GRIK1: variants seen among roughly 807,000 people sequenced by gnomAD.
GRIK1 encodes the protein glutamate receptor ionotropic, kainate 1.
GRIK1 carries 69 observed loss-of-function variants against 105.7 expected under a neutral mutation model. The observed-to-expected ratio is 0.65, with a 90% CI of 0.54 to 0.80. GRIK1 has a LOEUF of 0.80. Among genes scored for constraint, GRIK1 ranks in the 30% least tolerant of loss-of-function variants. The probability of loss-of-function intolerance (pLI) is 0.00; values close to 1 mark genes in which losing one functional copy is unlikely to be tolerated. For missense variants in GRIK1, 1,109 were observed against 1,167.3 expected, an observed-to-expected ratio of 0.95 and a Z score of 0.73; for synonymous variants, 438 against 431.3, an observed-to-expected ratio of 1.02 and a Z score of -0.19.
chr21:29,655,088 GA>G (rs2062823446), intron 4 of GRIK1, among the ~76,000 whole-genome samples: 1 of 152,148 alleles, frequency 6.6e-6, no homozygotes, highest in Admixed American at 6.5e-5. Context: ...GACCTACATC[GA>G]AGTAATGGGT....
At chr21:29,597,619 A>G (rs755579226) in intron 8 of GRIK1, 5 of 463,144 alleles carry the variant, frequency 1.1e-5, no homozygotes, top group South Asian at 8.0e-5. Flanking sequence ...CCTGTGCTCT[A>G]TCAGGGCATG....
At chr21:29,759,727 G>A (rs2065459156) in intron 1 of GRIK1, among the ~76,000 whole-genome samples, 2 of 152,188 alleles carry the variant, frequency 1.3e-5, no homozygotes, top group African/African-American at 4.8e-5. Context: ...ATTTTAGGTA[G>A]AATGCATTTC....
intron 3 of GRIK1, among the ~76,000 whole-genome samples, chr21:29,681,186 T>C (rs2146678048): frequency 6.6e-6 from 1 of 152,274 alleles, no homozygotes; most frequent in African/African-American, 2.4e-5. Flanking sequence ...TTCAGTACTA[T>C]CCGTGGTTTC....
intron 1 of GRIK1, among the ~76,000 whole-genome samples, chr21:29,756,916 C>T (rs2065359077): frequency 6.6e-6 from 1 of 152,060 alleles, no homozygotes; most frequent in Non-Finnish European, 1.5e-5. Context: ...GAATTGCAGA[C>T]CAGCCTGGCC....
At chr21:29,668,378 G>A (rs2063099848) in intron 4 of GRIK1, among the ~76,000 whole-genome samples, 1 of 152,158 alleles carries the variant, frequency 6.6e-6, no homozygotes, top group African/African-American at 2.4e-5. Flanking sequence ...TGAAGACTTA[G>A]GTGGGAATGA....
At chr21:29,911,054 A>C (rs1365048395) in intron 1 of GRIK1, among the ~76,000 whole-genome samples, 4 of 152,140 alleles carry the variant, frequency 2.6e-5, no homozygotes, top group Non-Finnish European at 5.9e-5. Flanking sequence ...AATACAGATA[A>C]GCCTTTCTGT....
chr21:29,756,252 G>C (rs1430157579), intron 1 of GRIK1, among the ~76,000 whole-genome samples: 1 of 151,946 alleles, frequency 6.6e-6, no homozygotes, highest in African/African-American at 2.4e-5. Context: ...GTAGTGGCGG[G>C]CGCCTGCAGC....
At chr21:29,546,414 A>G (rs1401096721) in intron 16 of GRIK1, among the ~76,000 whole-genome samples, 1 of 152,080 alleles carries the variant, frequency 6.6e-6, no homozygotes, top group African/African-American at 2.4e-5. Flanking sequence ...CTGGCCCTTC[A>G]CCCTGTGAAG....
At chr21:29,705,413 G>T (rs2063885883) in intron 1 of GRIK1, among the ~76,000 whole-genome samples, 1 of 152,162 alleles carries the variant, frequency 6.6e-6, no homozygotes, top group Non-Finnish European at 1.5e-5. Context: ...AAAACAATTT[G>T]AGTGTTTAAC....
intron 11 of GRIK1, among the ~76,000 whole-genome samples, chr21:29,588,210 G>A (rs976121427): frequency 6.6e-5 from 10 of 151,852 alleles, no homozygotes; most frequent in African/African-American, 2.4e-4. Flanking sequence ...TCCTGACCTT[G>A]TGATCCGCCT....
chr21:29,677,195 A>G (rs1188261653), intron 3 of GRIK1, among the ~76,000 whole-genome samples: 1 of 152,244 alleles, frequency 6.6e-6, no homozygotes, highest in East Asian at 1.9e-4. Flanking sequence ...ATGATAATAA[A>G]TGATGAATCT....
chr21:29,595,977 A>G, intron 9 of GRIK1: 1 of 188,890 alleles, frequency 5.3e-6, no homozygotes, highest in Non-Finnish European at 1.1e-5. Flanking sequence ...GTGGCTCTAA[A>G]ACAAATTGCA....
intron 4 of GRIK1, 67 bp from the exon 5 acceptor site, chr21:29,654,930 G>A: frequency 2.1e-6 from 2 of 942,474 alleles, no homozygotes; most frequent in East Asian, 2.4e-5. Context: ...TAATTTCTAG[G>A]GTGACTGCAA....
chr21:29,843,335 A>G (rs536709741), intron 1 of GRIK1, among the ~76,000 whole-genome samples: 31 of 152,238 alleles, frequency 2.0e-4, no homozygotes, highest in Admixed American at 8.5e-4. Context: ...AGGACTTACA[A>G]TGTTTGTTTG....
chr21:29,604,025 G>A (rs1174135572), intron 7 of GRIK1, among the ~76,000 whole-genome samples: 1 of 152,170 alleles, frequency 6.6e-6, no homozygotes, highest in East Asian at 1.9e-4. Context: ...AAAATGTACA[G>A]AATTGGTAGC....
Position 29,560,515 on chromosome 21 carries a change from C to CTTTCTTTCTTTCTTTCTTT in GRIK1, c.2356+1108_2356+1109insAAAGAAAGAAAGAAAGAAA, listed in dbSNP as rs1568815407. On this transcript the variant is annotated intron_variant, in intron 15 of 17. Coordinates refer to ENST00000327783, the MANE Select transcript of GRIK1 (RefSeq NM_001330994.2). ...TCTTTCTTTCCTTCCTTCCTTCCTTCCTTCCTTTCTTTCTTTCTTTCTTTC... is the reference window on the plus strand; with the variant it reads ...TCTTTCTTTCCTTCCTTCCTTCCTTCTTTCTTTCTTTCTTTCTTTCTTCCTTTCTTTCTTTCTTTCTTTC... 8.4e-4 allele frequency among the ~76,000 whole-genome samples: 42 copies of CTTTCTTTCTTTCTTTCTTT among 50,248 alleles called. 5 individuals are homozygous for CTTTCTTTCTTTCTTTCTTT. The highest frequency in any genetic ancestry group is 1.3e-3 in the African/African-American group (12 of 9,216). 33.0% of individuals were successfully genotyped at this position (50,248 alleles called of 152,430 possible). A position where few individuals can be genotyped will look rare whatever the true frequency, so the allele number is the denominator to read the frequency against.
At chr21:29,759,065 T>G (rs1238441595) in intron 1 of GRIK1, 1 of 152,986 alleles carries the variant, frequency 6.5e-6, no homozygotes, top group Non-Finnish European at 1.5e-5. Flanking sequence ...TGTGAGACCT[T>G]CAGAAATCTT....
At chr21:29,618,734 C>T (rs750950076) in intron 7 of GRIK1, among the ~76,000 whole-genome samples, 7 of 152,256 alleles carry the variant, frequency 4.6e-5, no homozygotes, top group Middle Eastern at 6.8e-3. Flanking sequence ...AGACTGGAGA[C>T]TCATTATTCT....
intron 1 of GRIK1, among the ~76,000 whole-genome samples, chr21:29,924,752 G>A (rs778040238): frequency 2.0e-5 from 3 of 151,958 alleles, no homozygotes; most frequent in East Asian, 1.9e-4. Flanking sequence ...GCTTCCAGGC[G>A]TCTCATCCTC....
Sources: gnomAD v4.1 joint callset for allele counts (sites outside exome capture counted in the v4.1 genomes callset) on GRCh38, gnomAD v4.1.1 for gene constraint, MANE v1.5 for transcripts, NCBI Gene and HGNC (gene_info 2026-07-23, HGNC 2026-07-21) for gene names.